The following RASA3 variants were observed in gnomAD, a reference collection of about 807,000 sequenced individuals.
The protein encoded by RASA3 is RAS p21 protein activator 3.
A neutral mutation model predicts 110.0 loss-of-function variants in RASA3; 73 were observed. The observed-to-expected ratio is 0.66, with a 90% CI of 0.55 to 0.81. The LOEUF (loss-of-function observed/expected upper bound fraction) is 0.81, where lower values mean the gene tolerates loss of function less well. RASA3 is among the 30% of genes least tolerant of loss of function. RASA3 has a pLI of 0.00. For synonymous variants in RASA3, 500 were observed against 451.4 expected, an observed-to-expected ratio of 1.11 and a Z score of -1.37; for missense variants, 976 against 1,113.2, an observed-to-expected ratio of 0.88 and a Z score of 1.75.
At chr13:114,129,495 G>A (rs374501097) in intron 1 of RASA3, among the ~76,000 whole-genome samples, 4 of 152,268 alleles carry the variant, frequency 2.6e-5, no homozygotes, top group African/African-American at 7.2e-5. Context: ...CAATGTCAAC[G>A]TCTGAATGAG....
intron 1 of RASA3, among the ~76,000 whole-genome samples, chr13:114,081,063 T>TCCACCTAGAACACCAAGAGTGC (rs1566560791): frequency 2.1e-5 from 1 of 47,528 alleles, no homozygotes; most frequent in African/African-American, 1.1e-4. Context: ...ACCAAGAGTG[T>TCCACCTAGAACACCAAGAGTGC]CCCACGGCAG....
chr13:114,087,352 G>A (rs890126439), intron 1 of RASA3, among the ~76,000 whole-genome samples: 2 of 152,222 alleles, frequency 1.3e-5, no homozygotes, highest in African/African-American at 4.8e-5. Context: ...TGGTGAGTCT[G>A]GAGTATTTAT....
At chr13:114,055,511 G>A (rs1201935682) in intron 2 of RASA3, among the ~76,000 whole-genome samples, 15 of 152,234 alleles carry the variant, frequency 9.9e-5, no homozygotes. Context: ...AGGGACACCA[G>A]ACGTGCATTT....
At chr13:114,119,488 CT>C (rs1450313834) in intron 1 of RASA3, among the ~76,000 whole-genome samples, 32 of 112,906 alleles carry the variant, frequency 2.8e-4, no homozygotes, top group African/African-American at 8.5e-4. Context: ...CAGGGCCCCC[CT>C]CCCCTCTCCA....
chr13:114,018,835 C>T lies in RASA3; in HGVS notation c.870G>A (p.Thr290=), dbSNP rs887576892. Residue 290 remains threonine, a synonymous_variant, in exon 10 of 24, where the codon ACG becomes ACA. Transcript: ENST00000334062. ...AGTCAGAAGAAAACACGTGGTCTTCCGTGTATACCACGTTCAGCCGCAGGG... is the reference window on the plus strand; with the variant it reads ...AGTCAGAAGAAAACACGTGGTCTTCTGTGTATACCACGTTCAGCCGCAGGG... The part of the protein sequence containing the change: ...LGSLRLNVVY[T]EDHVFSSDYY... 6.2e-6 allele frequency: 10 copies of T among 1,613,896 alleles called. No individual in the cohort carries two copies. The highest frequency in any genetic ancestry group is 4.4e-5 in the South Asian group (4 of 91,092).
chr13:114,042,586 A>G (rs1594374500), intron 3 of RASA3, among the ~76,000 whole-genome samples: 1 of 152,334 alleles, frequency 6.6e-6, no homozygotes, highest in Non-Finnish European at 1.5e-5. Context: ...GTCTGAGCAC[A>G]TTGTGCATGA....
chr13:114,080,943 C>T (rs1185197215), intron 1 of RASA3, among the ~76,000 whole-genome samples: 1 of 138,576 alleles, frequency 7.2e-6, no homozygotes, highest in East Asian at 2.2e-4. Context: ...ACCAATAGTG[C>T]CCCTCGGCAG....
At chr13:114,078,055 G>C (rs1204833254) in intron 1 of RASA3, 1 of 949,862 alleles carries the variant, frequency 1.1e-6, no homozygotes, top group Non-Finnish European at 1.3e-6. Flanking sequence ...ACACCAGGGA[G>C]CCTGCTGGAC....
At chr13:113,996,480 G>A (rs989902030) in intron 21 of RASA3, 51 bp downstream of exon 21, 1 of 1,546,512 alleles carries the variant, frequency 6.5e-7, no homozygotes, top group South Asian at 1.2e-5. Context: ...TCAGCCCCTT[G>A]GCCACATTTC....
At chr13:114,037,799 G>A (rs747011949) in intron 4 of RASA3, among the ~76,000 whole-genome samples, 11 of 152,142 alleles carry the variant, frequency 7.2e-5, no homozygotes, top group African/African-American at 1.4e-4. Flanking sequence ...CACAAACGTC[G>A]GCGTCCTGGT....
intron 1 of RASA3, among the ~76,000 whole-genome samples, chr13:114,081,958 G>A (rs558877978): frequency 3.3e-4 from 50 of 152,292 alleles, no homozygotes; most frequent in African/African-American, 1.0e-3. Flanking sequence ...TGCACTCACC[G>A]GCTGCAGCTG....
chr13:114,015,979 G>A (rs1297250106), intron 13 of RASA3, among the ~76,000 whole-genome samples: 1 of 152,122 alleles, frequency 6.6e-6, no homozygotes, highest in Non-Finnish European at 1.5e-5. Context: ...CCCCCCAGGG[G>A]ACGCAGAGCC....
chr13:114,121,717 C>T (rs1373250455), intron 1 of RASA3, among the ~76,000 whole-genome samples: 1 of 152,210 alleles, frequency 6.6e-6, no homozygotes, highest in Non-Finnish European at 1.5e-5. Context: ...AGGACGCGGG[C>T]GGCCAGACCA....
At position 114,048,966 on chromosome 13, in the gene RASA3, G is replaced by T. The variant is rs1233886219; in HGVS notation, c.277+3086C>A. Among the ~76,000 whole-genome samples the T allele has an allele frequency of 5.3e-5, 8 of 152,058 alleles. No individual in the cohort carries two copies. The highest frequency in any genetic ancestry group is 7.4e-5 in the Non-Finnish European group (5 of 67,980). The stretch of plus-strand genomic sequence containing the variant: ...GGCACGGCTTCAGCTGCCTTTCTCG[G>T]TTTCTGTCGCCACCGCCCTCCCCCT... On this transcript the variant is annotated intron_variant, in intron 3 of 23. Transcript: ENST00000334062. The surrounding 1 kb of genome is among the most constrained non-coding windows in gnomAD (Gnocchi z 4.3).
chr13:114,026,967 T>A (rs953623779), intron 7 of RASA3, among the ~76,000 whole-genome samples: 1 of 152,252 alleles, frequency 6.6e-6, no homozygotes, highest in Non-Finnish European at 1.5e-5. Flanking sequence ...CCCTGCCTAT[T>A]TCCACTGGAA....
Position 113,979,425 on chromosome 13 carries a change from GA to G in RASA3, c.2430-4del. Reference sequence around the variant, plus strand: ...TCTTGTCTCCGATGGGGTGCTCCCTGAAAAGGGGGATGGGAGAGGGAATGAG... The same window carrying G: ...TCTTGTCTCCGATGGGGTGCTCCCTGAAAGGGGGATGGGAGAGGGAATGAG... On this transcript the variant is annotated splice_region_variant and splice_polypyrimidine_tract_variant and intron_variant, in intron 23 of 23. Transcript: ENST00000334062. The G allele has an allele frequency of 6.3e-7, 1 of 1,591,656 alleles. No homozygotes were observed. The highest frequency in any genetic ancestry group is 8.6e-7 in the Non-Finnish European group (1 of 1,159,790).
chr13:114,092,537 AT>A (rs1343899185), intron 1 of RASA3, among the ~76,000 whole-genome samples: 1 of 152,106 alleles, frequency 6.6e-6, no homozygotes. Context: ...ACTTGATATA[AT>A]TTTGACGTTT....
chr13:114,005,004 G>A (rs1439021110), intron 18 of RASA3, among the ~76,000 whole-genome samples: 2 of 152,206 alleles, frequency 1.3e-5, no homozygotes, highest in African/African-American at 4.8e-5. Flanking sequence ...TATCTTAAGG[G>A]AGATGACTCA....
In RASA3 at chr13:114,013,851, TCTGTCTCTCTCC is replaced by T. The variant is rs1242558114; in HGVS notation, c.1406-615_1406-604del. Among the ~76,000 whole-genome samples the T allele has an allele frequency of 2.5e-4, 21 of 83,204 alleles. 2 individuals are homozygous for T. The South Asian group carries it at 2.7e-3, about 11-fold the overall frequency. 54.6% of individuals were successfully genotyped at this position (83,204 alleles called of 152,430 possible). On this transcript the variant is annotated intron_variant, in intron 14 of 23. Transcript: ENST00000334062. ...CTCCGTCTGTCTCTCTCTCCATCTC[TCTGTCTCTCTCC>T]CTGTCTCTCTCCCTATCTCTGTCTC...
Sources: allele counts gnomAD v4.1 joint callset (sites outside exome capture counted in the v4.1 genomes callset), GRCh38; gene constraint gnomAD v4.1.1; non-coding constraint Gnocchi (gnomAD v3.1); transcripts MANE v1.5; gene names NCBI Gene and HGNC (gene_info 2026-07-23, HGNC 2026-07-21).